Variants in UTP20 observed in about 807,000 individuals in gnomAD.
The protein encoded by UTP20 is UTP20 small subunit processome component.
A neutral mutation model predicts 329.5 loss-of-function variants in UTP20; 164 were observed. The observed-to-expected ratio is 0.50, with a 90% CI of 0.44 to 0.57. UTP20 has a LOEUF of 0.57. Among genes scored for constraint, UTP20 ranks in the 20% least tolerant of loss-of-function variants. The pLI, the probability that UTP20 is intolerant of heterozygous loss-of-function variation, is 0.00. For synonymous variants in UTP20, 1,151 were observed against 1,159.3 expected (o/e 0.99, Z 0.14); for missense variants, 3,055 against 3,284.2 (o/e 0.93, Z 1.71).
chr12:101,288,195 A>G (rs1872021529), intron 5 of UTP20, among the ~76,000 whole-genome samples: 2 of 152,218 alleles, frequency 1.3e-5, no homozygotes, highest in Non-Finnish European at 1.5e-5. Flanking sequence ...GTCTTTCTGA[A>G]AATGGTCATT....
intron 18 of UTP20, among the ~76,000 whole-genome samples, chr12:101,309,477 A>G (rs1383307651): frequency 6.6e-6 from 1 of 152,234 alleles, no homozygotes; most frequent in Non-Finnish European, 1.5e-5. Flanking sequence ...AAGGGAGTTT[A>G]ATCATTAGTC....
chr12:101,285,313 T>G (rs529636018), intron 2 of UTP20, among the ~76,000 whole-genome samples: 1 of 152,282 alleles, frequency 6.6e-6, no homozygotes, highest in Non-Finnish European at 1.5e-5. Flanking sequence ...TAATTTTCCC[T>G]TAGTGGACAA....
At chr12:101,334,582 T>C (rs1213625285) in intron 29 of UTP20, 78 bp downstream of exon 29, 2 of 1,208,556 alleles carry the variant, frequency 1.7e-6, no homozygotes, top group Non-Finnish European at 2.3e-6. Context: ...AGGAAACTAA[T>C]AGTGTAATTT....
At chr12:101,294,807 GTGTT>G (rs1872296057) in intron 11 of UTP20, among the ~76,000 whole-genome samples, 1 of 152,080 alleles carries the variant, frequency 6.6e-6, no homozygotes, top group East Asian at 1.9e-4. Flanking sequence ...GCCTCCCAAA[GTGTT>G]GGGATTACAG....
chr12:101,378,718 G>A (rs1051048009), intron 56 of UTP20, among the ~76,000 whole-genome samples: 3 of 148,936 alleles, frequency 2.0e-5, no homozygotes, highest in African/African-American at 5.0e-5. Flanking sequence ...AAACCCTGTC[G>A]CAAAAAAAAA....
At chr12:101,289,451 C>A (rs1458052773) in intron 6 of UTP20, among the ~76,000 whole-genome samples, 8 of 151,934 alleles carry the variant, frequency 5.3e-5, no homozygotes, top group African/African-American at 1.7e-4. Flanking sequence ...AAGTAGATAT[C>A]TTTTAAAAAT....
chr12:101,338,103 C>T lies in UTP20; in HGVS notation c.3694C>T (p.Leu1232=). Residue 1232 remains leucine, a synonymous_variant, in exon 30 of 62, where the codon CTG becomes TTG. Coordinates refer to ENST00000261637, the MANE Select transcript of UTP20 (RefSeq NM_014503.3). ...GCCTGGGCACCCAGAATGTGATATC[C>T]TGACCAATGTTTTTGCAATTCTCTC... ...QKPGHPECDI[L]TNVFAILSAK... is the part of the protein sequence containing the mutation. 1 of 1,614,114 alleles carries T rather than the reference C, an allele frequency of 6.2e-7. No homozygotes were observed. The highest frequency in any genetic ancestry group is 8.5e-7 in the Non-Finnish European group (1 of 1,180,002).
At chr12:101,382,490 G>A (rs60784072) in intron 58 of UTP20, among the ~76,000 whole-genome samples, 2,031 of 152,300 alleles carry the variant, frequency 0.013, 48 homozygotes, top group African/African-American at 0.046. Flanking sequence ...TGACTTTAAA[G>A]GGTAGAACTA....
chr12:101,308,984 C>T (rs890306798), intron 18 of UTP20, among the ~76,000 whole-genome samples: 9 of 152,040 alleles, frequency 5.9e-5, no homozygotes, highest in African/African-American at 1.9e-4. Context: ...CCGCCCTCCT[C>T]GGCGTCCCAA....
At chr12:101,332,343 G>GA (rs560348089) in intron 27 of UTP20, among the ~76,000 whole-genome samples, 2 of 151,634 alleles carry the variant, frequency 1.3e-5, no homozygotes, top group East Asian at 1.9e-4. Context: ...ATCTCAAAAA[G>GA]AAAAAAAAGA....
In UTP20 at chr12:101,353,085, A is replaced by G. The variant is rs1869592270; in HGVS notation, c.5063A>G (p.His1688Arg). 6.3e-7 allele frequency: 1 copy of G among 1,599,904 alleles called. No individual in the cohort carries two copies. Among genetic ancestry groups the G allele is most frequent in the African/African-American group, 1.3e-5 (1 of 74,854 alleles). ...GTGTTAGAAGCATTCCACTTTGACC[A>G]CAAAACTCTTGAAGAACAAATGGGA... ...VIVLEAFHFD[H>R]KTLEEQMGKI... The change falls in exon 40 of 62, where the codon CAC becomes CGC. Residue 1688 changes from histidine (H) to arginine (R), a missense_variant. By Grantham distance (29) the His-to-Arg change is conservative (BLOSUM62 0). Transcript: ENST00000261637.
intron 47 of UTP20, among the ~76,000 whole-genome samples, chr12:101,367,391 C>T (rs1052028850): frequency 6.6e-5 from 10 of 152,132 alleles, no homozygotes; most frequent in Admixed American, 2.6e-4. Flanking sequence ...TTCTAACACA[C>T]GTTCCAGCCA....
rs772345796 is a variant in UTP20 at position 101,342,909 on chromosome 12, C to T, written c.4297-32C>T. Reference sequence around the variant, plus strand: ...TGTTTACTGAAGATTTATATGCCTTCTTTTATATAACTTCAATGGCATTTC... The same window carrying T: ...TGTTTACTGAAGATTTATATGCCTTTTTTTATATAACTTCAATGGCATTTC... On this transcript the variant is annotated intron_variant, in intron 34 of 61. Transcript: ENST00000261637. 1.9e-6 allele frequency: 3 copies of T among 1,609,454 alleles called. No homozygotes were observed. The South Asian group carries it at 3.4e-5, about 18-fold the overall frequency.
In UTP20 at chr12:101,340,937, C is replaced by CTTTTTTTTTTT. The variant is rs71091488; in HGVS notation, c.4101+372_4101+382dup. On this transcript the variant is annotated intron_variant, in intron 32 of 61. Coordinates refer to ENST00000261637, the MANE Select transcript of UTP20 (RefSeq NM_014503.3). Reference sequence around the variant, plus strand: ...GAACCCAAGAAGTGCATTGTGTAATCTTTTTTTTTTTTTTTTTTTTTTTTT... The same window carrying CTTTTTTTTTTT: ...GAACCCAAGAAGTGCATTGTGTAATCTTTTTTTTTTTTTTTTTTTTTTTTTTTTTTTTTTTT... Among the ~76,000 whole-genome samples the CTTTTTTTTTTT allele has an allele frequency of 1.3e-4, 11 of 83,022 alleles. 1 individual carries two copies. Among genetic ancestry groups the CTTTTTTTTTTT allele is most frequent in the Admixed American group, 3.0e-4 (2 of 6,584 alleles). 54.5% of individuals were successfully genotyped at this position (83,022 alleles called of 152,430 possible).
intron 31 of UTP20, among the ~76,000 whole-genome samples, chr12:101,339,614 T>C (rs932964673): frequency 6.6e-6 from 1 of 152,218 alleles, no homozygotes; most frequent in African/African-American, 2.4e-5. Context: ...TACTCTTTAG[T>C]GTAATGATAA....
chr12:101,290,616 C>A (rs1175765879), intron 7 of UTP20, 117 bp from the exon 8 acceptor site: 1 of 1,183,610 alleles, frequency 8.4e-7, no homozygotes, highest in Non-Finnish European at 1.1e-6. Flanking sequence ...TTGCCATATC[C>A]TTGACTATTC....
intron 25 of UTP20, among the ~76,000 whole-genome samples, chr12:101,323,338 G>A (rs1868442549): frequency 6.6e-6 from 1 of 152,080 alleles, no homozygotes; most frequent in African/African-American, 2.4e-5. Flanking sequence ...ATTCTTGATA[G>A]GAAAATTGAT....
intron 32 of UTP20, 67 bp downstream of exon 32, chr12:101,340,677 G>T: frequency 1.0e-6 from 1 of 973,392 alleles, no homozygotes; most frequent in South Asian, 1.5e-5. Context: ...TTAATTGCGA[G>T]CAGCAATTTT....
At chr12:101,376,440 C>T (rs1384805482) in intron 56 of UTP20, among the ~76,000 whole-genome samples, 6 of 152,034 alleles carry the variant, frequency 3.9e-5, no homozygotes, top group African/African-American at 1.4e-4. Context: ...GATGGTATAG[C>T]CTATTACACC....
Sources: gnomAD v4.1 joint callset for allele counts (sites outside exome capture counted in the v4.1 genomes callset) on GRCh38, gnomAD v4.1.1 for gene constraint, MANE v1.5 for transcripts, NCBI Gene and HGNC (gene_info 2026-07-23, HGNC 2026-07-21) for gene names.